Variants in KIFC3 observed in about 807,000 individuals in gnomAD.
KIFC3 encodes kinesin family member C3.
In KIFC3, 60 loss-of-function variants were observed where a neutral mutation model predicts 101.8. The observed-to-expected ratio is 0.59, with a 90% CI of 0.48 to 0.73. The LOEUF is 0.73. KIFC3 is among the 30% of genes least tolerant of loss of function. KIFC3 has a pLI of 0.00. For missense variants in KIFC3, 966 were observed against 1,137.1 expected (o/e 0.85, Z 2.16); for synonymous variants, 476 against 482.7 (o/e 0.99, Z 0.18).
chr16:57,801,139 C>A (rs1192069323), intron 1 of KIFC3, among the ~76,000 whole-genome samples: 14 of 152,284 alleles, frequency 9.2e-5, no homozygotes, highest in African/African-American at 3.4e-4. Flanking sequence ...ATGCAGAGGG[C>A]CTGGCTGGGG....
In KIFC3 at chr16:57,769,467, G is replaced by GC; in HGVS notation, c.1218+127_1218+128insG. The stretch of plus-strand genomic sequence containing the variant: ...TATAAGGGCAGCAGTAAGTGTCATG[G>GC]GGGGTGGGGCAGGGGCTGCTGTCTG... On this transcript the variant is annotated intron_variant, in intron 9 of 19. Transcript: ENST00000445690. This position sits in a 1 kb window ranked among gnomAD's most constrained non-coding sequence, Gnocchi z 4.3. 2 of 1,177,292 alleles carry GC rather than the reference G, an allele frequency of 1.7e-6. No individual in the cohort carries two copies. The highest frequency in any genetic ancestry group is 2.4e-6 in the Non-Finnish European group (2 of 847,590). 72.9% of individuals were successfully genotyped at this position (1,177,292 alleles called of 1,614,324 possible). A position where few individuals can be genotyped will look rare whatever the true frequency, so the allele number is the denominator to read the frequency against.
chr16:57,800,866 G>A (rs782412694), intron 1 of KIFC3, among the ~76,000 whole-genome samples: 9 of 152,124 alleles, frequency 5.9e-5, no homozygotes, highest in Admixed American at 1.3e-4. Flanking sequence ...CCTGGTGTCC[G>A]GGGACTTCTA....
At chr16:57,806,253 T>A (rs992957573), upstream of KIFC3, among the ~76,000 whole-genome samples, 1 of 152,180 alleles carries the variant, frequency 6.6e-6, no homozygotes, top group Non-Finnish European at 1.5e-5. Context: ...TCAGATCAAG[T>A]CTTCTCCGAG....
chr16:57,816,472 G>A (rs782339195), intron 1 of KIFC3: 4 of 458,778 alleles, frequency 8.7e-6, no homozygotes, highest in East Asian at 6.9e-5. Flanking sequence ...CAGAGCTGCC[G>A]AAGTGACTCA....
At chr16:57,771,483 C>G (rs1555608284) in intron 5 of KIFC3, 46 bp from the exon 6 acceptor site, 1 of 1,610,524 alleles carries the variant, frequency 6.2e-7, no homozygotes, top group South Asian at 1.1e-5. Context: ...GACAGGCTCA[C>G]TGTGAGGAGC....
intron 16 of KIFC3, 37 bp downstream of exon 16, chr16:57,760,689 T>A (rs1555595559): frequency 6.5e-7 from 1 of 1,546,962 alleles, no homozygotes; most frequent in Non-Finnish European, 8.9e-7. Flanking sequence ...AGCCCCTACA[T>A]GCTAGGGACT....
At chr16:57,765,126 G>A (rs1409021894) in intron 11 of KIFC3, among the ~76,000 whole-genome samples, 2 of 150,984 alleles carry the variant, frequency 1.3e-5, no homozygotes, top group Non-Finnish European at 3.0e-5. Flanking sequence ...AGCCACAGCT[G>A]AGAGAATGGA....
At chr16:57,831,807 A>T (rs1356293764) in intron 1 of KIFC3, among the ~76,000 whole-genome samples, 1 of 152,178 alleles carries the variant, frequency 6.6e-6, no homozygotes, top group Admixed American at 6.5e-5. Flanking sequence ...CCCCACAGAC[A>T]CCTTGGGTTG....
chr16:57,788,638 G>C, intron 3 of KIFC3: 1 of 1,289,608 alleles, frequency 7.8e-7, no homozygotes, highest in Admixed American at 2.3e-5. Flanking sequence ...CTGGGGGCCG[G>C]CGCCTGTCTC....
At chr16:57,850,212 G>T (rs1018601730) in intron 1 of KIFC3, among the ~76,000 whole-genome samples, 7 of 151,802 alleles carry the variant, frequency 4.6e-5, no homozygotes, top group Non-Finnish European at 1.0e-4. Flanking sequence ...CCACCAGCCT[G>T]GGCAACATAG....
chr16:57,826,493 A>C (rs1411913881), intron 1 of KIFC3, among the ~76,000 whole-genome samples: 4 of 152,220 alleles, frequency 2.6e-5, no homozygotes, highest in African/African-American at 9.6e-5. Flanking sequence ...TTAAATTTAA[A>C]CATTAAAAAA....
At chr16:57,767,259 G>A (rs1309202494) in intron 9 of KIFC3, among the ~76,000 whole-genome samples, 1 of 152,196 alleles carries the variant, frequency 6.6e-6, no homozygotes, top group East Asian at 1.9e-4. Flanking sequence ...CCACACCACA[G>A]CACTAGTGCT....
At position 57,795,129 on chromosome 16, in the gene KIFC3, T is replaced by G; in HGVS notation, c.185A>C (p.Asp62Ala). Residue 62 changes from aspartate to alanine, a missense_variant, in exon 3 of 20, where the codon GAT becomes GCT. Asp to Ala is a moderately radical substitution (Grantham distance 126). Transcript: ENST00000445690. Reference sequence around the variant, plus strand: ...GTCCTCGTCACCGCAGACTGGGGTATCTTTTCCACGCCCTGTCCCAGGACA... The same window carrying G: ...GTCCTCGTCACCGCAGACTGGGGTAGCTTTTCCACGCCCTGTCCCAGGACA... ...PGRLRTGRGKDTPVCGDEDSS... is the reference protein window; with the variant it reads ...PGRLRTGRGKATPVCGDEDSS... 1 of 1,611,266 alleles carries G rather than the reference T, an allele frequency of 6.2e-7. No homozygotes were observed. Among genetic ancestry groups the G allele is most frequent in the Non-Finnish European group, 8.5e-7 (1 of 1,178,884 alleles).
intron 1 of KIFC3, chr16:57,816,412 G>C (rs967281711): frequency 2.6e-5 from 14 of 536,262 alleles, no homozygotes; most frequent in South Asian, 1.7e-4. Context: ...CAGGACAGAA[G>C]CTGGGCCAAG....
intron 2 of KIFC3, 43 bp downstream of exon 2, chr16:57,798,029 G>A (rs1382313393): frequency 1.3e-6 from 2 of 1,559,696 alleles, no homozygotes; most frequent in Non-Finnish European, 1.7e-6. Context: ...GTATCTGGAG[G>A]AAGGAAGGGA....
At chr16:57,766,561 C>T (rs984285217) in intron 10 of KIFC3, among the ~76,000 whole-genome samples, 3 of 152,152 alleles carry the variant, frequency 2.0e-5, no homozygotes, top group South Asian at 2.1e-4. Context: ...TCAGAATAAG[C>T]GGCTTTCCAG....
chr16:57,782,899 T>C (rs111900218), intron 3 of KIFC3, among the ~76,000 whole-genome samples: 2,814 of 152,286 alleles, frequency 0.018, 35 homozygotes, highest in Non-Finnish European at 0.029. Context: ...TGAGCCGAGA[T>C]TGCGCCATTG....
rs2049692628 is a variant in KIFC3 at position 57,760,362 on chromosome 16, C to G, written c.2287G>C (p.Glu763Gln). Residue 763 changes from glutamate to glutamine, a missense_variant, in exon 17 of 20, where the codon GAG (glutamate) becomes CAG (glutamine). By Grantham distance (29) the Glu-to-Gln change is conservative. Around this residue, in one of 2 missense-constraint regions of KIFC3, gnomAD observed 689 missense variants for 884.6 expected, o/e 0.78. Transcript: ENST00000445690. ...SETLYSLKFA[E>Q]RVRSVELGPG... is the part of the protein sequence containing the mutation. ...CCCAGCTCCACAGAGCGCACCCTCT[C>G]AGCAAACTTGAGGGAATAGAGCGTC... 5 of 1,614,002 alleles carry G rather than the reference C, an allele frequency of 3.1e-6. No homozygotes were observed. The highest frequency in any genetic ancestry group is 4.2e-6 in the Non-Finnish European group (5 of 1,179,976).
chr16:57,860,092 T>TAAAATTAA (rs1555485107), intron 1 of KIFC3, among the ~76,000 whole-genome samples: 1 of 127,238 alleles, frequency 7.9e-6, no homozygotes, highest in East Asian at 3.5e-4. Context: ...TAAAATAAAA[T>TAAAATTAA]AAAAACAAGT....
Sources: gnomAD v4.1 joint callset for allele counts (sites outside exome capture counted in the v4.1 genomes callset) on GRCh38, gnomAD v4.1.1 for gene constraint, gnomAD v4.1.1 regional missense constraint, Gnocchi (gnomAD v3.1) non-coding constraint, MANE v1.5 for transcripts, NCBI Gene and HGNC (gene_info 2026-07-23, HGNC 2026-07-21) for gene names.